HOOK3: variants seen among roughly 807,000 people sequenced by gnomAD.
The protein encoded by HOOK3 is protein Hook homolog 3.
A neutral mutation model predicts 116.3 loss-of-function variants in HOOK3; 24 were observed. That is an observed-to-expected ratio of 0.21 (90% CI 0.15 to 0.29). The LOEUF (loss-of-function observed/expected upper bound fraction) is 0.29. Among genes scored for constraint, HOOK3 ranks in the 10% least tolerant of loss-of-function variants. The pLI, the probability that HOOK3 is intolerant of heterozygous loss-of-function variation, is 1.00. For synonymous variants in HOOK3, 275 were observed against 283.0 expected, an observed-to-expected ratio of 0.97 and a Z score of 0.28; for missense variants, 632 against 830.2, an observed-to-expected ratio of 0.76 and a Z score of 2.93.
chr8:42,915,440 T>G (rs958840953), intron 2 of HOOK3, among the ~76,000 whole-genome samples: 4 of 152,122 alleles, frequency 2.6e-5, no homozygotes, highest in African/African-American at 9.7e-5. Context: ...ATTATTATTA[T>G]TATTTTTAAA....
At chr8:42,922,139 A>G (rs1452461197) in intron 2 of HOOK3, among the ~76,000 whole-genome samples, 1 of 152,246 alleles carries the variant, frequency 6.6e-6, no homozygotes, top group Non-Finnish European at 1.5e-5. Flanking sequence ...AAGTTATGTA[A>G]AACTTTTAAA....
rs1240279398 is a variant in HOOK3, at chr8:43,018,780, G to A, written c.*282G>A. ...GTAATACTTTTCTTTGTATGAAAAT[G>A]TCCTCTTCTTCAAAGGTATAGGCTT... On this transcript the variant is annotated 3_prime_UTR_variant, in exon 22 of 22. Coordinates refer to ENST00000307602, the MANE Select transcript of HOOK3 (RefSeq NM_032410.4). The A allele has an allele frequency of 3.3e-6, 1 of 304,108 alleles. No individual in the cohort carries two copies. Among genetic ancestry groups the A allele is most frequent in the Admixed American group, 4.7e-5 (1 of 21,168 alleles). The allele number at this position is 304,108 out of a possible 1,614,324, so 18.8% of individuals were successfully genotyped here.
intron 13 of HOOK3, among the ~76,000 whole-genome samples, chr8:42,978,503 C>T (rs1027861580): frequency 2.6e-5 from 4 of 151,754 alleles, no homozygotes; most frequent in Admixed American, 6.6e-5. Context: ...CTCCGCCTCT[C>T]GGTTTCAAGC....
At chr8:42,900,404 T>C (rs774515618) in intron 1 of HOOK3, among the ~76,000 whole-genome samples, 11 of 152,204 alleles carry the variant, frequency 7.2e-5, no homozygotes, top group Admixed American at 1.3e-4. Flanking sequence ...TACCAAGTTA[T>C]GACAAAAAAA....
At chr8:42,991,490 C>T (rs2130459039) in intron 15 of HOOK3, among the ~76,000 whole-genome samples, 1 of 151,602 alleles carries the variant, frequency 6.6e-6, no homozygotes, top group Admixed American at 6.6e-5. Flanking sequence ...GCAACCTCCA[C>T]CTCCCAGGTT....
At chr8:43,009,040 G>A (rs1284093066) in intron 18 of HOOK3, among the ~76,000 whole-genome samples, 3 of 152,136 alleles carry the variant, frequency 2.0e-5, no homozygotes, top group Non-Finnish European at 2.9e-5. Context: ...GCAGGCCAAG[G>A]TAGGAGGATT....
intron 4 of HOOK3, among the ~76,000 whole-genome samples, chr8:42,930,746 A>C (rs62515917): frequency 0.048 from 7,242 of 152,252 alleles, 227 homozygotes; most frequent in South Asian, 0.081. Flanking sequence ...TCCCCATCTC[A>C]GTAAGTGACC....
intron 21 of HOOK3, among the ~76,000 whole-genome samples, chr8:43,016,398 G>C (rs1809717029): frequency 6.6e-6 from 1 of 152,142 alleles, no homozygotes; most frequent in African/African-American, 2.4e-5. Context: ...GGGATTACAG[G>C]CATGAGCCAC....
intron 13 of HOOK3, among the ~76,000 whole-genome samples, chr8:42,977,832 A>G (rs988120464): frequency 5.3e-5 from 8 of 152,208 alleles, no homozygotes; most frequent in East Asian, 1.9e-4. Context: ...GCACCACTGC[A>G]CTGCAGCCTG....
At chr8:43,005,885 C>T (rs1374344664) in intron 17 of HOOK3, among the ~76,000 whole-genome samples, 5 of 149,296 alleles carry the variant, frequency 3.3e-5, no homozygotes, top group South Asian at 4.3e-4. Context: ...TTAGTAGAGA[C>T]GGGGTTTCAC....
chr8:42,932,523 A>T (rs1445027884), intron 4 of HOOK3, among the ~76,000 whole-genome samples: 1 of 152,170 alleles, frequency 6.6e-6, no homozygotes, highest in East Asian at 1.9e-4. Context: ...GCCAAGGCTC[A>T]TATGCACCTC....
intron 9 of HOOK3, 67 bp from the exon 10 acceptor site, chr8:42,966,406 T>A (rs1291600178): frequency 1.3e-6 from 2 of 1,505,554 alleles, no homozygotes; most frequent in Non-Finnish European, 1.8e-6. Flanking sequence ...ATCTTTCTTT[T>A]ACTGTTCTAA....
At chr8:43,009,587 T>C (rs1809564661) in intron 18 of HOOK3, among the ~76,000 whole-genome samples, 2 of 152,160 alleles carry the variant, frequency 1.3e-5, no homozygotes, top group Admixed American at 1.3e-4. Flanking sequence ...TATTTACTCC[T>C]GTAGGTAGCT....
intron 17 of HOOK3, among the ~76,000 whole-genome samples, chr8:43,007,218 A>G (rs959001706): frequency 6.6e-5 from 10 of 152,084 alleles, no homozygotes; most frequent in Admixed American, 2.6e-4. Context: ...GGGTTTTGCC[A>G]TGTTGGCCAG....
chr8:42,930,084 T>A (rs767738274), intron 3 of HOOK3, 38 bp from the exon 4 acceptor site: 1 of 1,545,012 alleles, frequency 6.5e-7, no homozygotes, highest in Non-Finnish European at 8.7e-7. Flanking sequence ...TTGATCTGTC[T>A]TGCCTTTTAC....
At chr8:42,897,240 C>G (rs952435641) in intron 1 of HOOK3, 52 bp downstream of exon 1, 2 of 1,173,198 alleles carry the variant, frequency 1.7e-6, no homozygotes, top group Non-Finnish European at 2.1e-6. Flanking sequence ...CGCCACCTAC[C>G]GGGACCCTCC....
intron 15 of HOOK3, among the ~76,000 whole-genome samples, chr8:42,987,914 A>G (rs1242445201): frequency 6.6e-6 from 1 of 152,044 alleles, no homozygotes; most frequent in African/African-American, 2.4e-5. Context: ...GTTTTTATTA[A>G]TAGCTTCATA....
intron 21 of HOOK3, among the ~76,000 whole-genome samples, chr8:43,017,458 T>G (rs1809745644): frequency 1.3e-5 from 2 of 152,050 alleles, no homozygotes; most frequent in African/African-American, 2.4e-5. Context: ...GAGAGGGGGT[T>G]TCTTGTTATT....
intron 21 of HOOK3, among the ~76,000 whole-genome samples, chr8:43,015,298 G>A (rs746439773): frequency 4.7e-5 from 7 of 150,324 alleles, no homozygotes; most frequent in African/African-American, 7.3e-5. Flanking sequence ...CAAGGTGGGC[G>A]GGTCACCTGA....
Sources: gnomAD v4.1 joint callset for allele counts (sites outside exome capture counted in the v4.1 genomes callset) on GRCh38, gnomAD v4.1.1 for gene constraint, MANE v1.5 for transcripts, NCBI Gene and HGNC (gene_info 2026-07-23, HGNC 2026-07-21) for gene names.